Variants in FGF13 observed in about 807,000 individuals in gnomAD.
FGF13 encodes the protein fibroblast growth factor homologous factor 2.
FGF13 carries 2 observed loss-of-function variants against 19.5 expected under a neutral mutation model. The ratio of observed to expected loss-of-function variants is 0.10; its 90% CI spans 0.04 to 0.32. The LOEUF (loss-of-function observed/expected upper bound fraction) is 0.32. Among genes scored for constraint, FGF13 ranks in the 10% least tolerant of loss-of-function variants. FGF13 has a pLI of 1.00. For synonymous variants in FGF13, 72 were observed against 76.9 expected (o/e 0.94, Z 0.33); for missense variants, 113 against 192.7 (o/e 0.59, Z 2.45).
intron 1 of FGF13, among the ~76,000 whole-genome samples, chrX:139,185,682 C>T (rs773945529): frequency 4.5e-5 from 5 of 111,601 alleles, no homozygotes; most frequent in African/African-American, 1.6e-4. Flanking sequence ...TGCCTTACAC[C>T]ACCTCCAATG....
chrX:138,857,512 C>T, exon 3 of FGF13: 1 of 1,188,655 alleles, frequency 8.4e-7, no homozygotes, highest in Non-Finnish European at 1.1e-6. Context: ...GTGCACAAAC[C>T]TTCCGGCTCT....
intron 1 of FGF13, among the ~76,000 whole-genome samples, chrX:139,065,682 T>C (rs2092353762): frequency 9.1e-6 from 1 of 110,138 alleles, no homozygotes; most frequent in Non-Finnish European, 1.9e-5. Flanking sequence ...AGCAAGTTCT[T>C]AGAGACCTAC....
intron 1 of FGF13, among the ~76,000 whole-genome samples, chrX:139,171,976 C>A (rs2084137244): frequency 8.9e-6 from 1 of 111,739 alleles, no homozygotes; most frequent in African/African-American, 3.2e-5. Context: ...TTCGATGTGA[C>A]TGGTTCTTTC....
intron 3 of FGF13, among the ~76,000 whole-genome samples, chrX:138,828,468 G>C (rs2091049254): frequency 9.1e-6 from 1 of 109,336 alleles, no homozygotes; most frequent in African/African-American, 3.3e-5. Context: ...TACTCGAGAG[G>C]CTGAGGCGGG....
intron 1 of FGF13, among the ~76,000 whole-genome samples, chrX:139,070,075 A>G (rs1380248273): frequency 8.9e-6 from 1 of 112,045 alleles, no homozygotes; most frequent in Non-Finnish European, 1.9e-5. Context: ...GCATGGGCAA[A>G]GTCTTCATGA....
intron 1 of FGF13, among the ~76,000 whole-genome samples, chrX:138,961,313 C>T (rs1490086721): frequency 9.0e-6 from 1 of 111,657 alleles, no homozygotes; most frequent in African/African-American, 3.3e-5. Context: ...CCACTCCAGA[C>T]CCTGTTTGCC....
At chrX:138,790,478 C>T (rs981275871) in intron 3 of FGF13, among the ~76,000 whole-genome samples, 4 of 110,892 alleles carry the variant, frequency 3.6e-5, no homozygotes, top group African/African-American at 1.3e-4. Context: ...TTGCCTGCCT[C>T]CACAGTCTTT....
chrX:138,884,171 TAGAG>T (rs1399610687), intron 1 of FGF13, among the ~76,000 whole-genome samples: 1 of 112,021 alleles, frequency 8.9e-6, no homozygotes, highest in Non-Finnish European at 1.9e-5. Flanking sequence ...GTTGGAGAAA[TAGAG>T]AGCCAGACAA....
rs750662003 is a variant in FGF13, at chrX:138,627,935, CAT to C, written c.*4913_*4914del. 12 of 111,204 alleles carry C rather than the reference CAT, an allele frequency of 1.1e-4. No homozygotes were observed. Among genetic ancestry groups the C allele is most frequent in the African/African-American group, 3.6e-4 (11 of 30,537 alleles). The allele number at this position is 111,204 out of a possible 1,213,427, so 9.2% of individuals were successfully genotyped here. On this transcript the variant is annotated 3_prime_UTR_variant, in exon 5 of 5. Transcript: ENST00000315930. Reference sequence around the variant, plus strand: ...ATGAGAAATACAAGATACTTGTACTCATGTGATATTAGCAAAAGGGTTCATTA... The same window carrying C: ...ATGAGAAATACAAGATACTTGTACTCGTGATATTAGCAAAAGGGTTCATTA...
intron 1 of FGF13, among the ~76,000 whole-genome samples, chrX:139,091,602 A>G (rs953761127): frequency 3.6e-5 from 4 of 111,845 alleles, no homozygotes; most frequent in Admixed American, 9.5e-5. Context: ...AGAGAAGTTC[A>G]ATCACACAGA....
chrX:138,879,381 T>G (rs1038673990), intron 1 of FGF13, among the ~76,000 whole-genome samples: 1 of 112,000 alleles, frequency 8.9e-6, no homozygotes, highest in Admixed American at 9.5e-5. Context: ...TATAATCCAA[T>G]TTTACTTCCG....
chrX:138,680,320 T>A (rs968372045), intron 3 of FGF13, among the ~76,000 whole-genome samples: 1 of 112,506 alleles, frequency 8.9e-6, no homozygotes, highest in African/African-American at 3.2e-5. Flanking sequence ...TCTAGAATGA[T>A]GAATCCTTTT....
intron 1 of FGF13, chrX:138,984,999 T>C (rs2091989098): frequency 2.8e-6 from 1 of 357,872 alleles, no homozygotes; most frequent in South Asian, 2.6e-5. Context: ...TCACACTTAA[T>C]CATACTAATG....
At chrX:139,156,100 T>C (rs1603225121) in intron 1 of FGF13, among the ~76,000 whole-genome samples, 1 of 112,119 alleles carries the variant, frequency 8.9e-6, no homozygotes, top group African/African-American at 3.2e-5. Context: ...AGACTCTTTT[T>C]AGGAATGGAA....
intron 3 of FGF13, among the ~76,000 whole-genome samples, chrX:138,797,340 T>C (rs1439268018): frequency 1.8e-5 from 2 of 110,818 alleles, no homozygotes. Context: ...TTTTTTTGGG[T>C]AAAGTTTACT....
At chrX:138,759,041 T>C (rs1315877314) in intron 3 of FGF13, among the ~76,000 whole-genome samples, 1 of 111,787 alleles carries the variant, frequency 8.9e-6, no homozygotes, top group Non-Finnish European at 1.9e-5. Flanking sequence ...AAGTAATGAG[T>C]GGAAGCTGAG....
At chrX:139,054,000 G>A (rs988631525) in intron 1 of FGF13, among the ~76,000 whole-genome samples, 1 of 109,316 alleles carries the variant, frequency 9.1e-6, no homozygotes, top group Non-Finnish European at 1.9e-5. Context: ...AGCACCATTT[G>A]TTGAAAAGGG....
chrX:138,649,354 C>T (rs983102441), intron 3 of FGF13, among the ~76,000 whole-genome samples: 4 of 112,097 alleles, frequency 3.6e-5, no homozygotes, highest in African/African-American at 9.7e-5. Context: ...TCAGTGAGAA[C>T]ACAGTTCTCA....
At chrX:139,132,337 G>T (rs900630601) in intron 1 of FGF13, among the ~76,000 whole-genome samples, 16 of 111,794 alleles carry the variant, frequency 1.4e-4, no homozygotes, top group Non-Finnish European at 2.8e-4. Context: ...ATTTTGTTAT[G>T]TTCATATTTA....
Sources: allele counts gnomAD v4.1 joint callset (sites outside exome capture counted in the v4.1 genomes callset), GRCh38; gene constraint gnomAD v4.1.1; transcripts MANE v1.5; gene names NCBI Gene and HGNC (gene_info 2026-07-23, HGNC 2026-07-21).